MTM1: variants seen among roughly 807,000 people sequenced by gnomAD.
The protein encoded by MTM1 is myotubularin.
A neutral mutation model predicts 52.1 loss-of-function variants in MTM1; 9 were observed. The ratio of observed to expected loss-of-function variants is 0.17; its 90% CI spans 0.10 to 0.30. The LOEUF (loss-of-function observed/expected upper bound fraction) is 0.30. Among genes scored for constraint, MTM1 ranks in the 10% least tolerant of loss-of-function variants. The pLI is 1.00. For synonymous variants in MTM1, 136 were observed against 163.8 expected, an observed-to-expected ratio of 0.83 and a Z score of 1.29; for missense variants, 277 against 470.7, an observed-to-expected ratio of 0.59 and a Z score of 3.81.
At chrX:150,671,093 CAG>C (rs2040388375) in intron 14 of MTM1, among the ~76,000 whole-genome samples, 1 of 111,600 alleles carries the variant, frequency 9.0e-6, no homozygotes, top group Non-Finnish European at 1.9e-5. Context: ...AGTTGTCCCT[CAG>C]AGTGAAAGAG....
At chrX:150,607,993 A>G (rs939094900) in intron 4 of MTM1, among the ~76,000 whole-genome samples, 12 of 111,190 alleles carry the variant, frequency 1.1e-4, no homozygotes, top group African/African-American at 3.6e-4. Context: ...TGGGGTCTGA[A>G]GAATACATAT....
intron 4 of MTM1, among the ~76,000 whole-genome samples, chrX:150,609,362 GA>G (rs1338963683): frequency 9.0e-6 from 1 of 111,577 alleles, no homozygotes; most frequent in Non-Finnish European, 1.9e-5. Flanking sequence ...TTAAGAGGTA[GA>G]CATAGGAGAC....
chrX:150,648,492 G>A (rs2148496470), intron 9 of MTM1, among the ~76,000 whole-genome samples: 1 of 112,650 alleles, frequency 8.9e-6, no homozygotes, highest in Non-Finnish European at 1.9e-5. Flanking sequence ...CCAGGCAGAT[G>A]TTTCCCTGTT....
chrX:150,613,568 T>C (rs1258840173), intron 4 of MTM1, among the ~76,000 whole-genome samples: 3 of 112,078 alleles, frequency 2.7e-5, no homozygotes, highest in Non-Finnish European at 3.8e-5. Context: ...TATGGCACTT[T>C]TAATGTGTGT....
chrX:150,630,351 C>T lies in MTM1; in HGVS notation c.445-8592C>T, dbSNP rs139919088. Among the ~76,000 whole-genome samples the T allele has an allele frequency of 2.2e-3, 244 of 111,985 alleles. 3 individuals are homozygous for T. Among genetic ancestry groups the T allele is most frequent in the Middle Eastern group, 0.018 (4 of 218 alleles). Reference sequence around the variant, plus strand: ...AGAGGTGATCTGCCCTCCTCAGCCTCCCAACATGCTGGGATTACAGGCATG... The same window carrying T: ...AGAGGTGATCTGCCCTCCTCAGCCTTCCAACATGCTGGGATTACAGGCATG... On this transcript the variant is annotated intron_variant, in intron 6 of 14. Coordinates refer to ENST00000370396, the MANE Select transcript of MTM1 (RefSeq NM_000252.3).
intron 8 of MTM1, 85 bp from the exon 9 acceptor site, chrX:150,645,598 G>A (rs1277314070): frequency 2.9e-5 from 26 of 883,974 alleles, no homozygotes; most frequent in South Asian, 6.1e-5. Flanking sequence ...CTTGATAACC[G>A]TCAGTGCTTT....
At chrX:150,666,429 ACT>A (rs1471060036) in intron 14 of MTM1, among the ~76,000 whole-genome samples, 13 of 112,656 alleles carry the variant, frequency 1.2e-4, no homozygotes, top group Admixed American at 1.1e-3. Context: ...TGCAAAAATT[ACT>A]GTTACCCGAT....
chrX:150,573,277 T>C (rs997241200), intron 1 of MTM1, among the ~76,000 whole-genome samples: 7 of 112,759 alleles, frequency 6.2e-5, no homozygotes, highest in South Asian at 3.6e-4. Context: ...GTTCTTTGAA[T>C]CAGTCATTGT....
intron 1 of MTM1, among the ~76,000 whole-genome samples, chrX:150,583,918 A>T (rs1256774808): frequency 0.021 from 836 of 39,535 alleles, 67 homozygotes; most frequent in African/African-American, 0.053. Flanking sequence ...ATATAATATA[A>T]AATATATATT....
At chrX:150,585,543 T>G (rs1465747030) in intron 1 of MTM1, among the ~76,000 whole-genome samples, 1 of 112,803 alleles carries the variant, frequency 8.9e-6, no homozygotes. Flanking sequence ...ACTTATAAAT[T>G]TAAAATGTAC....
At chrX:150,649,346 T>G (rs2039982915) in intron 9 of MTM1, among the ~76,000 whole-genome samples, 1 of 112,493 alleles carries the variant, frequency 8.9e-6, no homozygotes, top group East Asian at 2.8e-4. Context: ...TCTGGCTGCC[T>G]CCCGCCTTCC....
At chrX:150,587,542 C>T (rs2038810855) in intron 1 of MTM1, among the ~76,000 whole-genome samples, 1 of 111,532 alleles carries the variant, frequency 9.0e-6, no homozygotes, top group South Asian at 3.8e-4. Context: ...CACTTCTTCC[C>T]CCCAAATAAA....
intron 4 of MTM1, among the ~76,000 whole-genome samples, chrX:150,603,862 A>T (rs901547571): frequency 6.3e-5 from 7 of 111,789 alleles, no homozygotes; most frequent in African/African-American, 2.3e-4. Flanking sequence ...CCCGGGGGAC[A>T]TGGACACTTT....
intron 1 of MTM1, among the ~76,000 whole-genome samples, chrX:150,590,341 C>T (rs375861066): frequency 1.8e-5 from 2 of 112,111 alleles, no homozygotes; most frequent in East Asian, 2.8e-4. Context: ...AAAATTAGAG[C>T]TTTAGACATA....
intron 4 of MTM1, among the ~76,000 whole-genome samples, chrX:150,604,421 A>T (rs1557412793): frequency 9.0e-6 from 1 of 110,916 alleles, no homozygotes; most frequent in Non-Finnish European, 1.9e-5. Context: ...TTTGAGCCCC[A>T]GTTTCTCTTT....
intron 1 of MTM1, among the ~76,000 whole-genome samples, chrX:150,581,158 A>T (rs73620616): frequency 8.9e-6 from 1 of 111,896 alleles, no homozygotes; most frequent in African/African-American, 3.3e-5. Flanking sequence ...CCGGTGCTGT[A>T]TGGAGCATTG....
chrX:150,614,704 G>T lies in MTM1; in HGVS notation c.342+5G>T. On this transcript the variant is annotated splice_donor_5th_base_variant and intron_variant, in intron 5 of 14. Coordinates refer to ENST00000370396, the MANE Select transcript of MTM1 (RefSeq NM_000252.3). ...GGTCTAGATATTACTTGTAAAGTAA[G>T]AGATTCGATACTTTCTTATGCAAAG... 2.1e-6 allele frequency: 2 copies of T among 973,318 alleles called. No homozygotes were observed. The highest frequency in any genetic ancestry group is 2.9e-6 in the Non-Finnish European group (2 of 680,813). 80.2% of individuals were successfully genotyped at this position (973,318 alleles called of 1,213,427 possible).
intron 1 of MTM1, among the ~76,000 whole-genome samples, chrX:150,572,785 A>G (rs1557411498): frequency 8.9e-6 from 1 of 112,677 alleles, no homozygotes; most frequent in African/African-American, 3.2e-5. Context: ...ATAGCTCCCC[A>G]GGTCTGTACC....
the MTM1 span, among the ~76,000 whole-genome samples, chrX:150,563,305 C>CTTTTT: frequency 2.9e-5 from 1 of 34,503 alleles, no homozygotes; most frequent in Non-Finnish European, 4.9e-5. Context: ...TAAATCTCAG[C>CTTTTT]TTTTTTTTTT....
Sources: gnomAD v4.1 joint callset for allele counts (sites outside exome capture counted in the v4.1 genomes callset) on GRCh38, gnomAD v4.1.1 for gene constraint, MANE v1.5 for transcripts, NCBI Gene and HGNC (gene_info 2026-07-23, HGNC 2026-07-21) for gene names.